PCNX4: variants seen among roughly 807,000 people sequenced by gnomAD.
The protein encoded by PCNX4 is pecanex 4, also known as pecanex-like protein 4.
PCNX4 carries 103 observed loss-of-function variants against 107.2 expected under a neutral mutation model. The ratio of observed to expected loss-of-function variants is 0.96; its 90% CI spans 0.82 to 1.13. PCNX4 has a LOEUF of 1.13. Ranked by LOEUF, PCNX4 falls within the 50% of genes most tolerant of loss-of-function variation. PCNX4 has a pLI of 0.00. For missense variants in PCNX4, 1,528 were observed against 1,379.4 expected (o/e 1.11, Z -1.71); for synonymous variants, 541 against 481.7 (o/e 1.12, Z -1.61).
At chr14:60,098,878 C>T (rs1372478771) in intron 1 of PCNX4, among the ~76,000 whole-genome samples, 2 of 151,340 alleles carry the variant, frequency 1.3e-5, no homozygotes, top group East Asian at 3.9e-4. Context: ...GCGGAGGTTG[C>T]AGTGAGCCGA....
chr14:60,118,711 C>A lies in PCNX4; in HGVS notation c.1942+19C>A. The A allele has an allele frequency of 6.5e-7, 1 of 1,526,772 alleles. No individual in the cohort carries two copies. The highest frequency in any genetic ancestry group is 1.3e-5 in the South Asian group (1 of 77,826). 94.6% of individuals were successfully genotyped at this position (1,526,772 alleles called of 1,614,324 possible). ...AGTTTAGGTAAGTAAATGGGTTGTG[C>A]TCAAGAATTTCTCACTAATGTATTT... On this transcript the variant is annotated intron_variant, in intron 7 of 10. Coordinates refer to ENST00000406854, the MANE Select transcript of PCNX4 (RefSeq NM_001330177.2).
chr14:60,111,349 C>A (rs1895737193), intron 2 of PCNX4, among the ~76,000 whole-genome samples: 1 of 152,072 alleles, frequency 6.6e-6, no homozygotes, highest in African/African-American at 2.4e-5. Context: ...AATTCTTCAC[C>A]TAATCGAAAA....
At chr14:60,100,246 A>G (rs921075429) in intron 1 of PCNX4, among the ~76,000 whole-genome samples, 5 of 151,968 alleles carry the variant, frequency 3.3e-5, no homozygotes, top group Admixed American at 1.3e-4. Context: ...AAAAAATACC[A>G]TTTTTCTGCA....
In PCNX4 at chr14:60,137,025, T is replaced by G. The variant is rs901724435; in HGVS notation, c.*2804T>G. ...AACCTACTTTTCTACTTCTAACTTT[T>G]AGTGGTGCATTCATACCAACTATTT... On this transcript the variant is annotated 3_prime_UTR_variant, in exon 11 of 11. Coordinates refer to ENST00000406854, the MANE Select transcript of PCNX4 (RefSeq NM_001330177.2). 1 of 152,284 alleles carries G rather than the reference T, an allele frequency of 6.6e-6. No homozygotes were observed. Among genetic ancestry groups the G allele is most frequent in the Non-Finnish European group, 1.5e-5 (1 of 68,046 alleles). The allele number at this position is 152,284 out of a possible 1,614,324, so 9.4% of individuals were successfully genotyped here.
rs1480061851 is a variant in PCNX4 at position 60,092,039 on chromosome 14, A to G, written c.-434A>G. ...CGACTCCCGTCGTCCCCGGCCAGGCAGATGTTGGCCTAGTCCTGGCGCGAA... is the reference window on the plus strand; with the variant it reads ...CGACTCCCGTCGTCCCCGGCCAGGCGGATGTTGGCCTAGTCCTGGCGCGAA... On this transcript the variant is annotated 5_prime_UTR_variant, in exon 1 of 11. Transcript: ENST00000406854. 2 of 152,416 alleles carry G rather than the reference A, an allele frequency of 1.3e-5. No homozygotes were observed. The highest frequency in any genetic ancestry group is 2.4e-5 in the African/African-American group (1 of 41,482). 9.4% of individuals were successfully genotyped at this position (152,416 alleles called of 1,614,324 possible). A position where few individuals can be genotyped will look rare whatever the true frequency, so the allele number is the denominator to read the frequency against.
chr14:60,125,275 A>G, intron 9 of PCNX4, 24 bp downstream of exon 9: 1 of 1,488,730 alleles, frequency 6.7e-7, no homozygotes, highest in Non-Finnish European at 8.9e-7. Flanking sequence ...ATCATATGTA[A>G]GTTATAACAT....
At chr14:60,125,596 A>G in intron 9 of PCNX4, 41 bp from the exon 10 acceptor site, 2 of 1,324,156 alleles carry the variant, frequency 1.5e-6, no homozygotes, top group Non-Finnish European at 2.0e-6. Context: ...TAAAGTTGAC[A>G]GCAAATATTC....
chr14:60,113,812 A>G (rs1895785450), intron 2 of PCNX4, among the ~76,000 whole-genome samples: 2 of 152,164 alleles, frequency 1.3e-5, no homozygotes, highest in South Asian at 2.1e-4. Flanking sequence ...TGGTCTCTGG[A>G]CACAGTGTTT....
intron 1 of PCNX4, among the ~76,000 whole-genome samples, chr14:60,107,230 A>C (rs1895645664): frequency 6.6e-6 from 1 of 152,114 alleles, no homozygotes; most frequent in Admixed American, 6.5e-5. Flanking sequence ...AAAAATAAAA[A>C]ATTAGCCAGG....
intron 6 of PCNX4, among the ~76,000 whole-genome samples, chr14:60,116,275 C>G (rs1206084664): frequency 6.6e-6 from 1 of 152,182 alleles, no homozygotes; most frequent in Non-Finnish European, 1.5e-5. Context: ...AATCTACTTT[C>G]TGTCTTTATG....
chr14:60,145,097 A>G lies in PCNX4; in HGVS notation c.*10876A>G. 1 of 905,898 alleles carries G rather than the reference A, an allele frequency of 1.1e-6. No homozygotes were observed. Among genetic ancestry groups the G allele is most frequent in the Non-Finnish European group, 1.6e-6 (1 of 621,898 alleles). The allele number at this position is 905,898 out of a possible 1,614,324, so 56.1% of individuals were successfully genotyped here. On this transcript the variant is annotated 3_prime_UTR_variant, in exon 11 of 11. Transcript: ENST00000406854. This position sits in a 1 kb window ranked among gnomAD's most constrained non-coding sequence, Gnocchi z 4.0. ...ACATTTAAGTCCTTCTGTTTTGAGGAGCTGTATCATTATGATTCACTATTA... is the reference window on the plus strand; with the variant it reads ...ACATTTAAGTCCTTCTGTTTTGAGGGGCTGTATCATTATGATTCACTATTA...
chr14:60,110,772 A>C (rs948754385), intron 2 of PCNX4: 2 of 167,040 alleles, frequency 1.2e-5, no homozygotes, highest in African/African-American at 4.8e-5. Context: ...ACTTTGGGGG[A>C]TATGGGGATG....
At position 60,126,347 on chromosome 14, in the gene PCNX4, A is replaced by G. The variant is rs747675311; in HGVS notation, c.3267+524A>G. ...AAGTGTACACAACATGAAAGATTCA[A>G]TGTTATGAGCTTATCATGGTTTTGT... is the stretch of plus-strand genomic sequence containing the variant. On this transcript the variant is annotated intron_variant, in intron 10 of 10. Transcript: ENST00000406854. Among the ~76,000 whole-genome samples, 11 of 152,196 alleles carry G rather than the reference A, an allele frequency of 7.2e-5. No individual in the cohort carries two copies. The South Asian group carries it at 8.3e-4, about 11-fold the overall frequency.
rs961193238 is a variant in PCNX4, at chr14:60,113,307, C to T, written c.690-1393C>T. Among the ~76,000 whole-genome samples the T allele has an allele frequency of 9.8e-5, 15 of 152,328 alleles. 1 individual carries two copies. The highest frequency in any genetic ancestry group is 6.5e-4 in the Admixed American group (10 of 15,298). ...TATATCCATAATTGCTATACATTTG[C>T]TTTGGGGCTGTCAACATATTCTTAA... On this transcript the variant is annotated intron_variant, in intron 2 of 10. Coordinates refer to ENST00000406854, the MANE Select transcript of PCNX4 (RefSeq NM_001330177.2).
rs1358648851 is a variant in PCNX4, at chr14:60,125,124, A to G, written c.2953A>G (p.Ile985Val). ...GACTTGTTATTTTAGTTTATTTGGA[A>G]TAGACAATATGGCTCCTAGTCCTGG... ...VMTCYFSLFG[I>V]DNMAPSPGHI... Residue 985 changes from isoleucine to valine, a missense_variant, in exon 9 of 11, where the codon ATA becomes GTA. By Grantham distance (29) the Ile-to-Val change is conservative (BLOSUM62 3). Transcript: ENST00000406854. 1.2e-6 allele frequency: 2 copies of G among 1,612,976 alleles called. No homozygotes were observed. The highest frequency in any genetic ancestry group is 1.7e-5 in the Admixed American group (1 of 59,818).
intron 1 of PCNX4, among the ~76,000 whole-genome samples, chr14:60,098,815 G>T (rs1895475988): frequency 6.6e-6 from 1 of 151,960 alleles, no homozygotes; most frequent in Non-Finnish European, 1.5e-5. Flanking sequence ...GTGCATGCCT[G>T]TAATCCCAGC....
At chr14:60,093,475 G>A (rs538035785) in intron 1 of PCNX4, among the ~76,000 whole-genome samples, 2 of 152,018 alleles carry the variant, frequency 1.3e-5, no homozygotes, top group Non-Finnish European at 2.9e-5. Context: ...CTTTTGTAAC[G>A]GGCTTTCACT....
intron 2 of PCNX4, among the ~76,000 whole-genome samples, chr14:60,111,444 C>T (rs539553555): frequency 9.9e-5 from 15 of 152,198 alleles, no homozygotes; most frequent in Middle Eastern, 3.4e-3. Flanking sequence ...AAAATATATT[C>T]CAGTTAAATA....
chr14:60,108,418 C>A (rs2140539633), intron 2 of PCNX4, 91 bp downstream of exon 2: 1 of 965,252 alleles, frequency 1.0e-6, no homozygotes, highest in East Asian at 2.4e-5. Context: ...AAAAATGAAT[C>A]CATGGATTAA....
Sources: gnomAD v4.1 joint callset for allele counts (sites outside exome capture counted in the v4.1 genomes callset) on GRCh38, gnomAD v4.1.1 for gene constraint, Gnocchi (gnomAD v3.1) non-coding constraint, MANE v1.5 for transcripts, NCBI Gene and HGNC (gene_info 2026-07-23, HGNC 2026-07-21) for gene names.